Variants in SMC2 observed in about 807,000 individuals in gnomAD.
SMC2 encodes structural maintenance of chromosomes protein 2.
Under a neutral mutation model 142.6 loss-of-function variants are expected in SMC2, and 41 were observed. The ratio of observed to expected loss-of-function variants is 0.29; its 90% CI spans 0.22 to 0.37. SMC2 has a LOEUF of 0.37. SMC2 is among the 10% of genes least tolerant of loss of function. The pLI is 1.00. For missense variants in SMC2, 1,265 were observed against 1,373.7 expected (o/e 0.92, Z 1.25); for synonymous variants, 463 against 457.5 (o/e 1.01, Z -0.15).
intron 24 of SMC2, 120 bp downstream of exon 24, chr9:104,138,285 T>C: frequency 1.4e-6 from 1 of 736,500 alleles, no homozygotes; most frequent in Non-Finnish European, 2.0e-6. Flanking sequence ...TAAAGCATTG[T>C]ATATCTATTT....
chr9:104,101,335 A>C (rs1200581125), intron 7 of SMC2, among the ~76,000 whole-genome samples: 1 of 152,168 alleles, frequency 6.6e-6, no homozygotes, highest in African/African-American at 2.4e-5. Flanking sequence ...TAGTAGTATA[A>C]ATTTTACTGG....
intron 3 of SMC2, 21 bp downstream of exon 3, chr9:104,096,318 T>G (rs906615305): frequency 9.9e-6 from 16 of 1,612,028 alleles, no homozygotes; most frequent in Admixed American, 1.7e-5. Context: ...ATTAAACCTT[T>G]GGGTATCTTA....
At chr9:104,108,948 A>T (rs1482849530) in intron 9 of SMC2, among the ~76,000 whole-genome samples, 1 of 152,180 alleles carries the variant, frequency 6.6e-6, no homozygotes, top group African/African-American at 2.4e-5. Flanking sequence ...GAGCTAAAGC[A>T]TGAAAGGACA....
At chr9:104,107,007 G>C (rs1307321245) in intron 9 of SMC2, among the ~76,000 whole-genome samples, 1 of 152,134 alleles carries the variant, frequency 6.6e-6, no homozygotes. Context: ...CTTAGGACCC[G>C]GGGAGCCAGA....
chr9:104,139,960 C>T lies in SMC2; in HGVS notation c.*645C>T, dbSNP rs547916758. ...TTAATGATACATGAATATCATGTTC[C>T]TATACGCTTAATAATTGGTCTCTAC... On this transcript the variant is annotated 3_prime_UTR_variant, in exon 25 of 25. Transcript: ENST00000374793. The T allele has an allele frequency of 6.6e-6, 1 of 151,846 alleles. No individual in the cohort carries two copies. Among genetic ancestry groups the T allele is most frequent in the South Asian group, 2.1e-4 (1 of 4,818 alleles). 9.4% of individuals were successfully genotyped at this position (151,846 alleles called of 1,614,324 possible).
Position 104,139,442 on chromosome 9 carries a change from A to G in SMC2, c.*127A>G. On this transcript the variant is annotated 3_prime_UTR_variant, in exon 25 of 25. Coordinates refer to ENST00000374793, the MANE Select transcript of SMC2 (RefSeq NM_006444.3). ...GTTACTTAACCCATGTTTTCTCTTT[A>G]TATAATCACTTATCGCTTACAAATG... The G allele has an allele frequency of 1.5e-6, 1 of 685,108 alleles. No individual in the cohort carries two copies. The highest frequency in any genetic ancestry group is 2.3e-6 in the Non-Finnish European group (1 of 426,896). 42.4% of individuals were successfully genotyped at this position (685,108 alleles called of 1,614,324 possible).
intron 21 of SMC2, among the ~76,000 whole-genome samples, chr9:104,130,553 T>C (rs1369799981): frequency 6.6e-6 from 1 of 152,160 alleles, no homozygotes; most frequent in Non-Finnish European, 1.5e-5. Flanking sequence ...GCGACACTGA[T>C]AATAGCACAG....
intron 17 of SMC2, among the ~76,000 whole-genome samples, chr9:104,124,232 G>A (rs578009675): frequency 2.6e-5 from 4 of 152,174 alleles, no homozygotes; most frequent in South Asian, 2.1e-4. Context: ...GACTACAGGC[G>A]TGCATCACCA....
chr9:104,130,588 A>AT (rs199955837), intron 21 of SMC2, among the ~76,000 whole-genome samples: 2 of 136,110 alleles, frequency 1.5e-5, no homozygotes, highest in African/African-American at 3.6e-5. Flanking sequence ...TTTTACCATA[A>AT]TTTTTTTTAA....
Position 104,124,954 on chromosome 9 carries a change from G to A in SMC2, c.2300G>A (p.Arg767Lys), listed in dbSNP as rs747335066. The change falls in exon 18 of 25, where the codon AGA (arginine) becomes AAA (lysine). Residue 767 changes from arginine (R) to lysine (K), a missense_variant. Arg to Lys is a conservative substitution (Grantham distance 26). Around this residue, in one of 4 missense-constraint regions of SMC2, gnomAD observed 898 missense variants for 904.2 expected, o/e 0.99. Transcript: ENST00000374793. ...TTGAAAAACACTAAAGAAATCCAAA[G>A]AAAAGCAGAAGAAAAATATGAAGTA... ...ETLKNTKEIQ[R>K]KAEEKYEVLE... is the part of the protein sequence containing the mutation. 6.3e-7 allele frequency: 1 copy of A among 1,595,786 alleles called. No individual in the cohort carries two copies. The highest frequency in any genetic ancestry group is 1.2e-5 in the South Asian group (1 of 86,504).
chr9:104,116,465 G>A (rs1729155257), intron 14 of SMC2, 146 bp downstream of exon 14: 14 of 642,982 alleles, frequency 2.2e-5, no homozygotes, highest in Non-Finnish European at 3.5e-5. Context: ...GCAATTAGAT[G>A]ATAAGAGAAT....
rs1439008104 is a variant in SMC2 at position 104,099,709 on chromosome 9, A to G, written c.480+27A>G. ...TAAGAGTACTATTTATGGACATTAA[A>G]AATAGTTGGTATAGATATTACTTTA... On this transcript the variant is annotated intron_variant, in intron 5 of 24. Transcript: ENST00000374793. 5.2e-6 allele frequency: 7 copies of G among 1,355,680 alleles called. No homozygotes were observed. The South Asian group carries it at 7.2e-5, about 14-fold the overall frequency. 84.0% of individuals were successfully genotyped at this position (1,355,680 alleles called of 1,614,324 possible).
At chr9:104,133,654 T>C (rs2131552843) in intron 22 of SMC2, among the ~76,000 whole-genome samples, 2 of 152,210 alleles carry the variant, frequency 1.3e-5, no homozygotes, top group South Asian at 4.1e-4. Flanking sequence ...AATTCCCAAA[T>C]CATCAATCAA....
Position 104,131,998 on chromosome 9 carries a change from T to C in SMC2, c.2992-11T>C. On this transcript the variant is annotated splice_polypyrimidine_tract_variant and intron_variant, in intron 21 of 24. Coordinates refer to ENST00000374793, the MANE Select transcript of SMC2 (RefSeq NM_006444.3). Reference sequence around the variant, plus strand: ...ATATTTTCCCAGTTAACCATGTTTTTTATCTCATAGTACAATGACTTGATG... The same window carrying C: ...ATATTTTCCCAGTTAACCATGTTTTCTATCTCATAGTACAATGACTTGATG... 1.5e-6 allele frequency: 2 copies of C among 1,319,268 alleles called. No homozygotes were observed. Among genetic ancestry groups the C allele is most frequent in the Non-Finnish European group, 2.1e-6 (2 of 940,178 alleles). 81.7% of individuals were successfully genotyped at this position (1,319,268 alleles called of 1,614,324 possible). A position where few individuals can be genotyped will look rare whatever the true frequency, so the allele number is the denominator to read the frequency against.
chr9:104,120,760 T>C (rs1587962348), intron 16 of SMC2, among the ~76,000 whole-genome samples: 1 of 152,214 alleles, frequency 6.6e-6, no homozygotes, highest in Admixed American at 6.5e-5. Flanking sequence ...TATATGTGAA[T>C]TTTTATTTTT....
At chr9:104,102,302 T>C (rs1831238125) in intron 8 of SMC2, 109 bp downstream of exon 8, 1 of 1,101,616 alleles carries the variant, frequency 9.1e-7, no homozygotes, top group Non-Finnish European at 1.3e-6. Context: ...ATTGATTTGT[T>C]AATCTTATAG....
At chr9:104,105,782 C>T (rs1472857720) in intron 9 of SMC2, among the ~76,000 whole-genome samples, 1 of 152,162 alleles carries the variant, frequency 6.6e-6, no homozygotes, top group East Asian at 1.9e-4. Flanking sequence ...TCACTACTAG[C>T]AGGACCAGAT....
intron 10 of SMC2, 95 bp downstream of exon 10, chr9:104,111,909 A>G: frequency 1.1e-6 from 1 of 880,136 alleles, no homozygotes; most frequent in Non-Finnish European, 1.7e-6. Context: ...TGTTGAAAAT[A>G]ATCAGTCTCA....
chr9:104,112,274 G>GTATC (rs1832547116), intron 10 of SMC2, among the ~76,000 whole-genome samples: 1 of 152,184 alleles, frequency 6.6e-6, no homozygotes, highest in East Asian at 1.9e-4. Context: ...TTTTTAGGAA[G>GTATC]TATCTCTACC....
Sources: gnomAD v4.1 joint callset for allele counts (sites outside exome capture counted in the v4.1 genomes callset) on GRCh38, gnomAD v4.1.1 for gene constraint, gnomAD v4.1.1 regional missense constraint, MANE v1.5 for transcripts, NCBI Gene and HGNC (gene_info 2026-07-23, HGNC 2026-07-21) for gene names.